SLC23A2: variants seen among roughly 807,000 people sequenced by gnomAD.
SLC23A2 encodes the protein Na(+)/L-ascorbic acid transporter 2.
Under a neutral mutation model 73.3 loss-of-function variants are expected in SLC23A2, and 36 were observed. The observed-to-expected ratio is 0.49, with a 90% confidence interval of 0.38 to 0.65. The LOEUF (loss-of-function observed/expected upper bound fraction) is 0.65. Ranked by LOEUF, SLC23A2 falls within the 30% of genes least tolerant of loss-of-function variation. SLC23A2 has a pLI of 0.00. For missense variants in SLC23A2, 507 were observed against 841.6 expected, an observed-to-expected ratio of 0.60 and a Z score of 4.92; for synonymous variants, 343 against 327.3, an observed-to-expected ratio of 1.05 and a Z score of -0.52.
intron 2 of SLC23A2, among the ~76,000 whole-genome samples, chr20:4,951,679 A>C: frequency 6.6e-6 from 1 of 152,216 alleles, no homozygotes; most frequent in South Asian, 2.1e-4. Context: ...GATGAAAAAA[A>C]GTGCTAAAAT....
chr20:4,905,650 A>G (rs1457863164), intron 4 of SLC23A2, among the ~76,000 whole-genome samples: 1 of 152,176 alleles, frequency 6.6e-6, no homozygotes, highest in African/African-American at 2.4e-5. Context: ...AACCTTTGCT[A>G]TCTCCTCTGC....
In SLC23A2 at chr20:4,883,165, CGTCAGGAGTGCAGAGCTCA is replaced by C. The variant is rs767040266; in HGVS notation, c.824+458_824+476del. On this transcript the variant is annotated intron_variant, in intron 9 of 16. Coordinates refer to ENST00000338244, the MANE Select transcript of SLC23A2 (RefSeq NM_005116.6). The surrounding 1 kb of genome is among the most constrained non-coding windows in gnomAD (Gnocchi z 4.5). ...TATGTCCCTCCCCCAACCACCCACC[CGTCAGGAGTGCAGAGCTCA>C]GTGTGGCCTGGGGAGAAGAGTCACA... Among the ~76,000 whole-genome samples the C allele has an allele frequency of 6.6e-6, 1 of 152,176 alleles. No homozygotes were observed. Among genetic ancestry groups the C allele is most frequent in the African/African-American group, 2.4e-5 (1 of 41,412 alleles).
At chr20:4,910,930 G>C (rs1157524890) in intron 4 of SLC23A2, among the ~76,000 whole-genome samples, 1 of 152,196 alleles carries the variant, frequency 6.6e-6, no homozygotes, top group Non-Finnish European at 1.5e-5. Context: ...ATGTGCTAGA[G>C]ACATTTTTCC....
intron 1 of SLC23A2, among the ~76,000 whole-genome samples, chr20:4,983,502 C>T (rs1029152083): frequency 2.0e-5 from 3 of 151,602 alleles, no homozygotes; most frequent in East Asian, 3.9e-4. Flanking sequence ...AAAATTTAGC[C>T]GGGCGTTGTG....
rs552950522 is a variant in SLC23A2, at chr20:4,986,640, A to C, written c.-282+14766T>G. ...TGAAACTTTTGTCTGAGATACATAC[A>C]TACACACATACACACACACACACAC... On this transcript the variant is annotated intron_variant, in intron 1 of 16. Coordinates refer to ENST00000338244, the MANE Select transcript of SLC23A2 (RefSeq NM_005116.6). 3.8e-5 allele frequency among the ~76,000 whole-genome samples: 4 copies of C among 104,698 alleles called. No homozygotes were observed. The East Asian group carries it at 1.2e-3, about 31-fold the overall frequency. 68.7% of individuals were successfully genotyped at this position (104,698 alleles called of 152,430 possible). A position where few individuals can be genotyped will look rare whatever the true frequency, so the allele number is the denominator to read the frequency against.
chr20:4,880,809 A>G (rs6038009), intron 9 of SLC23A2, among the ~76,000 whole-genome samples: 1,833 of 152,206 alleles, frequency 0.012, 43 homozygotes, highest in African/African-American at 0.042. Flanking sequence ...CGAGGGCAGC[A>G]CGTGAGGCTC....
At chr20:4,954,468 A>G (rs1196175833) in intron 2 of SLC23A2, among the ~76,000 whole-genome samples, 1 of 152,104 alleles carries the variant, frequency 6.6e-6, no homozygotes, top group African/African-American at 2.4e-5. Flanking sequence ...AGGCCAAGGC[A>G]GGTGGATCAC....
chr20:4,934,942 C>T (rs1600148254), intron 2 of SLC23A2, among the ~76,000 whole-genome samples: 1 of 151,616 alleles, frequency 6.6e-6, no homozygotes, highest in East Asian at 1.9e-4. Flanking sequence ...AATCCCAGCA[C>T]TTTGGGAGGT....
chr20:4,936,175 T>C (rs1295426864), intron 2 of SLC23A2, among the ~76,000 whole-genome samples: 1 of 152,200 alleles, frequency 6.6e-6, no homozygotes, highest in Non-Finnish European at 1.5e-5. Context: ...ACCCATCATC[T>C]TCCCAAAATC....
At chr20:4,954,156 C>T (rs1481775502) in intron 2 of SLC23A2, among the ~76,000 whole-genome samples, 1 of 152,088 alleles carries the variant, frequency 6.6e-6, no homozygotes, top group Non-Finnish European at 1.5e-5. Flanking sequence ...AAATGACCAA[C>T]ACTTCATAAA....
At chr20:4,948,502 G>A (rs944806963) in intron 2 of SLC23A2, among the ~76,000 whole-genome samples, 1 of 152,162 alleles carries the variant, frequency 6.6e-6, no homozygotes, top group African/African-American at 2.4e-5. Context: ...TAAGGAAAAG[G>A]GAGCTCTGAG....
Position 4,862,003 on chromosome 20 carries a change from C to T in SLC23A2, c.1569G>A (p.Ser523=), listed in dbSNP as rs148408148. ...TTGGAAGGACGAGCCCAAAGAAGAT[C>T]GAAAATCCAAGCACAAAGAGGTTCC... ...SSRNLFVLGF[S]IFFGLVLPSY... The change falls in exon 15 of 17, where the codon TCG becomes TCA. Residue 523 remains serine, a synonymous_variant. Coordinates refer to ENST00000338244, the MANE Select transcript of SLC23A2 (RefSeq NM_005116.6). The surrounding 1 kb of genome is among the most constrained non-coding windows in gnomAD (Gnocchi z 5.1). 12 of 1,614,088 alleles carry T rather than the reference C, an allele frequency of 7.4e-6. No individual in the cohort carries two copies. In the Middle Eastern group the frequency reaches 4.9e-4, roughly 67 times the overall value.
chr20:5,007,037 A>C (rs1171342024), intron 1 of SLC23A2, among the ~76,000 whole-genome samples: 1 of 152,090 alleles, frequency 6.6e-6, no homozygotes, highest in African/African-American at 2.4e-5. Flanking sequence ...AAACAAAAAC[A>C]AAAAACCTGA....
In SLC23A2 at chr20:4,926,573, C is replaced by T. The variant is rs553720915; in HGVS notation, c.108+5882G>A. 3.3e-4 allele frequency among the ~76,000 whole-genome samples: 46 copies of T among 140,642 alleles called. 1 individual carries two copies. Among genetic ancestry groups the T allele is most frequent in the African/African-American group, 1.1e-3 (40 of 37,784 alleles). The allele number at this position is 140,642 out of a possible 152,430, so 92.3% of individuals were successfully genotyped here. A position where few individuals can be genotyped will look rare whatever the true frequency, so the allele number is the denominator to read the frequency against. On this transcript the variant is annotated intron_variant, in intron 3 of 16. Coordinates refer to ENST00000338244, the MANE Select transcript of SLC23A2 (RefSeq NM_005116.6). ...TGCCATGGGCATTCACCCCTATTTA[C>T]GCATTTCCTAGCTGGCTTTAAAACA...
At position 4,902,524 on chromosome 20, in the gene SLC23A2, C is replaced by A. The variant is rs536287477; in HGVS notation, c.242G>T (p.Ser81Ile). 1 of 1,612,598 alleles carries A rather than the reference C, an allele frequency of 6.2e-7. No homozygotes were observed. Among genetic ancestry groups the A allele is most frequent in the South Asian group, 1.1e-5 (1 of 90,922 alleles). Reference protein sequence around the residue: ...SLAETLDSTGSLDPQRSDMIY... With the variant: ...SLAETLDSTGILDPQRSDMIY... ...CATGTCTGATCGCTGGGGGTCCAGACTGCCAGTGCTATCCAGGGTCTCAGC... is the reference window on the plus strand; with the variant it reads ...CATGTCTGATCGCTGGGGGTCCAGAATGCCAGTGCTATCCAGGGTCTCAGC... The change falls in exon 5 of 17, where the codon AGT (serine) becomes ATT (isoleucine). Residue 81 changes from serine to isoleucine, a missense_variant. By Grantham distance (142) the Ser-to-Ile change is moderately radical. Coordinates refer to ENST00000338244, the MANE Select transcript of SLC23A2 (RefSeq NM_005116.6). The surrounding 1 kb of genome is among the most constrained non-coding windows in gnomAD (Gnocchi z 4.0).
At chr20:4,972,651 A>G (rs1016124532) in intron 1 of SLC23A2, among the ~76,000 whole-genome samples, 1 of 151,972 alleles carries the variant, frequency 6.6e-6, no homozygotes. Flanking sequence ...CCGTGGCGCA[A>G]TCTTGGCTCA....
chr20:4,880,769 A>T (rs1027087393), intron 9 of SLC23A2, among the ~76,000 whole-genome samples: 4 of 151,946 alleles, frequency 2.6e-5, no homozygotes, highest in Non-Finnish European at 4.4e-5. Flanking sequence ...GGCTCCAGGT[A>T]TCCAGGCCAA....
In SLC23A2 at chr20:4,902,836, CT is replaced by C. The variant is rs1600116104; in HGVS notation, c.208-279del. Reference sequence around the variant, plus strand: ...ACTTGCTCAGAGCTTCTCCCCAGGCCTGGGGATCCTCCTGCATGGACAGAGA... The same window carrying C: ...ACTTGCTCAGAGCTTCTCCCCAGGCCGGGGATCCTCCTGCATGGACAGAGA... On this transcript the variant is annotated intron_variant, in intron 4 of 16. Transcript: ENST00000338244. This position sits in a 1 kb window ranked among gnomAD's most constrained non-coding sequence, Gnocchi z 4.0. 6.6e-6 allele frequency among the ~76,000 whole-genome samples: 1 copy of C among 152,084 alleles called. No individual in the cohort carries two copies. The highest frequency in any genetic ancestry group is 1.9e-4 in the East Asian group (1 of 5,184).
intron 3 of SLC23A2, among the ~76,000 whole-genome samples, chr20:4,930,855 C>G (rs1413637484): frequency 6.6e-6 from 1 of 151,728 alleles, no homozygotes; most frequent in African/African-American, 2.4e-5. Flanking sequence ...GGGTTGGTGG[C>G]ATGCATCCAT....
Sources: allele counts gnomAD v4.1 joint callset (sites outside exome capture counted in the v4.1 genomes callset), GRCh38; gene constraint gnomAD v4.1.1; non-coding constraint Gnocchi (gnomAD v3.1); transcripts MANE v1.5; gene names NCBI Gene and HGNC (gene_info 2026-07-23, HGNC 2026-07-21).